Variants in BICRA observed in about 807,000 individuals in gnomAD.
The protein encoded by BICRA is BRD4-interacting chromatin-remodeling complex-associated protein.
A neutral mutation model predicts 96.9 loss-of-function variants in BICRA; 31 were observed. The observed-to-expected ratio is 0.32, with a 90% CI of 0.24 to 0.43. The LOEUF is 0.43. Ranked by LOEUF, BICRA falls within the 20% of genes least tolerant of loss-of-function variation. The probability of loss-of-function intolerance (pLI) is 1.00; values close to 1 mark genes in which losing one functional copy is unlikely to be tolerated. For synonymous variants in BICRA, 1,350 were observed against 1,071.8 expected (o/e 1.26, Z -5.07); for missense variants, 2,283 against 2,190.3 (o/e 1.04, Z -0.84).
chr19:47,634,197 G>A (rs1599798077), intron 1 of BICRA, among the ~76,000 whole-genome samples: 1 of 152,232 alleles, frequency 6.6e-6, no homozygotes, highest in South Asian at 2.1e-4. Flanking sequence ...CAGGGTGGGC[G>A]GGAGGAGTGG....
intron 5 of BICRA, chr19:47,679,048 A>T: frequency 3.3e-6 from 1 of 304,978 alleles, no homozygotes; most frequent in Non-Finnish European, 6.0e-6. Context: ...CCACAGGCAC[A>T]TGCTGCCACC....
chr19:47,628,779 A>AC (rs1972176974), intron 1 of BICRA, among the ~76,000 whole-genome samples: 1 of 150,298 alleles, frequency 6.7e-6, no homozygotes, highest in Non-Finnish European at 1.5e-5. Flanking sequence ...TAATTTTTGT[A>AC]TTTTTTTTTG....
rs1973434054 is a variant in BICRA, at chr19:47,701,092, T to C, written c.3596-236T>C. 1 of 560,134 alleles carries C rather than the reference T, an allele frequency of 1.8e-6. No homozygotes were observed. Among genetic ancestry groups the C allele is most frequent in the African/African-American group, 1.9e-5 (1 of 52,872 alleles). 34.7% of individuals were successfully genotyped at this position (560,134 alleles called of 1,614,324 possible). A position where few individuals can be genotyped will look rare whatever the true frequency, so the allele number is the denominator to read the frequency against. On this transcript the variant is annotated intron_variant, in intron 14 of 14. Transcript: ENST00000594866. The surrounding 1 kb of genome is among the most constrained non-coding windows in gnomAD (Gnocchi z 5.4). ...GTTTTGTATTCTCTTAATTTACTTA[T>C]GTCTGAATGAGCCCCACGTGGCTCG...
At chr19:47,651,621 G>A (rs772427532) in intron 1 of BICRA, among the ~76,000 whole-genome samples, 29 of 152,150 alleles carry the variant, frequency 1.9e-4, no homozygotes, top group Non-Finnish European at 3.4e-4. Context: ...TCTCTTTGTG[G>A]AGCAGTAGGG....
chr19:47,608,270 G>A (rs1722119630), upstream of BICRA: 1 of 152,254 alleles, frequency 6.6e-6, no homozygotes, highest in Admixed American at 6.5e-5. Context: ...TGGCTCGACG[G>A]AGACCAGCTA....
At chr19:47,611,657 T>G (rs934111785) in intron 1 of BICRA, among the ~76,000 whole-genome samples, 1 of 152,206 alleles carries the variant, frequency 6.6e-6, no homozygotes, top group Non-Finnish European at 1.5e-5. Context: ...AGAACTTTCT[T>G]GCCTGTTCTC....
Position 47,694,475 on chromosome 19 carries a change from TCCTCCA to T in BICRA, c.2650_2655del (p.Thr884_Ser885del). 2.3e-6 allele frequency: 1 copy of T among 443,218 alleles called. No individual in the cohort carries two copies. The highest frequency in any genetic ancestry group is 4.0e-6 in the Non-Finnish European group (1 of 251,628). The allele number at this position is 443,218 out of a possible 1,614,324, so 27.5% of individuals were successfully genotyped here. ...GCCCCCAGCCCCCCACCTCCCTCCATCCTCCACCTCCTCTGCTGTGGCCTCCTCCTC... is the reference window on the plus strand; with the variant it reads ...GCCCCCAGCCCCCCACCTCCCTCCATCCTCCTCTGCTGTGGCCTCCTCCTC... On this transcript the variant is annotated inframe_deletion, in exon 8 of 15. Transcript: ENST00000594866.
chr19:47,652,937 C>A (rs8109030), intron 1 of BICRA, among the ~76,000 whole-genome samples: 7,008 of 152,050 alleles, frequency 0.046, 248 homozygotes, highest in Non-Finnish European at 0.077. Flanking sequence ...TTTACACACA[C>A]CCTTCTACAT....
intron 1 of BICRA, among the ~76,000 whole-genome samples, chr19:47,654,823 C>G (rs1156596513): frequency 6.6e-6 from 1 of 151,588 alleles, no homozygotes; most frequent in Non-Finnish European, 1.5e-5. Flanking sequence ...AACAACACAC[C>G]TGTAAAAGCC....
chr19:47,633,080 C>CTTTTTTT (rs34761702), intron 1 of BICRA, among the ~76,000 whole-genome samples: 3 of 93,222 alleles, frequency 3.2e-5, no homozygotes, highest in Admixed American at 1.3e-4. Context: ...GATTTTATTT[C>CTTTTTTT]TTTTTTTTTT....
intron 2 of BICRA, among the ~76,000 whole-genome samples, chr19:47,673,084 C>T (rs1972890332): frequency 6.6e-6 from 1 of 152,128 alleles, no homozygotes; most frequent in Non-Finnish European, 1.5e-5. Flanking sequence ...AGACCCCCAC[C>T]ACACGCCTCA....
Position 47,696,485 on chromosome 19 carries a change from C to T in BICRA, c.3221C>T (p.Pro1074Leu). 6.2e-7 allele frequency: 1 copy of T among 1,604,930 alleles called. No individual in the cohort carries two copies. Among genetic ancestry groups the T allele is most frequent in the Non-Finnish European group, 8.5e-7 (1 of 1,175,938 alleles). The change falls in exon 11 of 15, where the codon CCC becomes CTC. Residue 1074 changes from proline to leucine, a missense_variant. Pro to Leu is a moderately conservative substitution (Grantham distance 98). Transcript: ENST00000594866. ...ESKLSGLKKPPTLQPSKEACF... is the reference protein window; with the variant it reads ...ESKLSGLKKPLTLQPSKEACF... ...AAACTGAGTGGCCTGAAGAAGCCCC[C>T]CACGCTTCAGCCCAGCAAGGAAGCC...
rs34257198 is a variant in BICRA at position 47,700,795 on chromosome 19, AAAAC to A, written c.3596-513_3596-510del. 7.6e-3 allele frequency: 1,177 copies of A among 155,332 alleles called. 10 individuals carry two copies. Among genetic ancestry groups the A allele is most frequent in the African/African-American group, 0.024 (1,011 of 41,414 alleles). 9.6% of individuals were successfully genotyped at this position (155,332 alleles called of 1,614,324 possible). A position where few individuals can be genotyped will look rare whatever the true frequency, so the allele number is the denominator to read the frequency against. On this transcript the variant is annotated intron_variant, in intron 14 of 14. Coordinates refer to ENST00000594866, the MANE Select transcript of BICRA (RefSeq NM_001394372.1). The stretch of plus-strand genomic sequence containing the variant: ...GGCAACAGATTGAGACTGTCTCAAA[AAAAC>A]AAACAAACAAACAAACAAAAAACCT...
At position 47,702,816 on chromosome 19, in the gene BICRA, C is replaced by G. The variant is rs548710854; in HGVS notation, c.*401C>G. ...GTGGCTTCTCAGATGGTGGAGGGTG[C>G]TGGGAGCTGGCAGGGTCCTTCCAGA... is the stretch of plus-strand genomic sequence containing the variant. On this transcript the variant is annotated 3_prime_UTR_variant, in exon 15 of 15. Coordinates refer to ENST00000594866, the MANE Select transcript of BICRA (RefSeq NM_001394372.1). 1.3e-5 allele frequency: 3 copies of G among 226,888 alleles called. No individual in the cohort carries two copies. Among genetic ancestry groups the G allele is most frequent in the South Asian group, 6.9e-5 (1 of 14,466 alleles). 14.1% of individuals were successfully genotyped at this position (226,888 alleles called of 1,614,324 possible). A position where few individuals can be genotyped will look rare whatever the true frequency, so the allele number is the denominator to read the frequency against.
At chr19:47,687,315 T>C (rs893439309) in intron 7 of BICRA, among the ~76,000 whole-genome samples, 2 of 152,226 alleles carry the variant, frequency 1.3e-5, no homozygotes, top group Non-Finnish European at 2.9e-5. Flanking sequence ...AGTATTCTTA[T>C]GATTTTTTTT....
At chr19:47,660,518 A>G (rs1213062964) in intron 1 of BICRA, among the ~76,000 whole-genome samples, 2 of 152,182 alleles carry the variant, frequency 1.3e-5, no homozygotes, top group Non-Finnish European at 2.9e-5. Flanking sequence ...TTGGAAATAC[A>G]TCCTAAGAGC....
chr19:47,693,551 G>A (rs147426499), intron 7 of BICRA, among the ~76,000 whole-genome samples: 3 of 152,340 alleles, frequency 2.0e-5, no homozygotes, highest in Non-Finnish European at 4.4e-5. Flanking sequence ...CCGTATTCTC[G>A]GCAGCCCCCG....
chr19:47,624,965 A>C (rs1173560414), intron 1 of BICRA, among the ~76,000 whole-genome samples: 1 of 133,488 alleles, frequency 7.5e-6, no homozygotes, highest in Non-Finnish European at 1.6e-5. Flanking sequence ...CAGTGCTGGG[A>C]TTACAGACAT....
At chr19:47,659,313 T>C (rs570510920) in intron 1 of BICRA, among the ~76,000 whole-genome samples, 2 of 150,122 alleles carry the variant, frequency 1.3e-5, no homozygotes, top group African/African-American at 4.9e-5. Flanking sequence ...TTAATTGCTC[T>C]TCAAATTGCT....
Sources: gnomAD v4.1 joint callset for allele counts (sites outside exome capture counted in the v4.1 genomes callset) on GRCh38, gnomAD v4.1.1 for gene constraint, Gnocchi (gnomAD v3.1) non-coding constraint, MANE v1.5 for transcripts, NCBI Gene and HGNC (gene_info 2026-07-23, HGNC 2026-07-21) for gene names.